SMG6: variants seen among roughly 807,000 people sequenced by gnomAD.
The protein encoded by SMG6 is telomerase-binding protein EST1A.
In SMG6, 66 loss-of-function variants were observed where a neutral mutation model predicts 142.2. The ratio of observed to expected loss-of-function variants is 0.46; its 90% confidence interval spans 0.38 to 0.57. The LOEUF is 0.57. Among genes scored for constraint, SMG6 ranks in the 20% least tolerant of loss-of-function variants. SMG6 has a pLI of 0.00. For synonymous variants in SMG6, 779 were observed against 702.4 expected (o/e 1.11, Z -1.72); for missense variants, 1,793 against 1,832.0 (o/e 0.98, Z 0.39).
intron 13 of SMG6, among the ~76,000 whole-genome samples, chr17:2,140,796 A>G (rs1191289425): frequency 1.3e-5 from 2 of 152,158 alleles, no homozygotes; most frequent in African/African-American, 2.4e-5. Flanking sequence ...TTTAGGTGAA[A>G]TCCATGCATG....
intron 8 of SMG6, among the ~76,000 whole-genome samples, chr17:2,269,976 C>A (rs1316428213): frequency 5.3e-5 from 8 of 152,118 alleles, no homozygotes. Flanking sequence ...CTGCAGTGAG[C>A]TATGATGGCG....
Position 2,121,585 on chromosome 17 carries a change from GTC to G in SMG6, c.3358-35686_3358-35685del, listed in dbSNP as rs1456740266. Among the ~76,000 whole-genome samples the G allele has an allele frequency of 5.1e-4, 19 of 37,562 alleles. 1 individual carries two copies. The highest frequency in any genetic ancestry group is 1.4e-3 in the African/African-American group (9 of 6,288). 24.6% of individuals were successfully genotyped at this position (37,562 alleles called of 152,430 possible). ...CATATATGTATATATGTACATGTCT[GTC>G]TGTGTGTGTGTGTGTGTGTGTGTGT... On this transcript the variant is annotated intron_variant, in intron 13 of 18. Coordinates refer to ENST00000263073, the MANE Select transcript of SMG6 (RefSeq NM_017575.5).
chr17:2,069,376 C>A (rs529733688), intron 15 of SMG6, among the ~76,000 whole-genome samples: 2 of 146,636 alleles, frequency 1.4e-5, no homozygotes, highest in South Asian at 2.2e-4. Flanking sequence ...GTAGCTAAAA[C>A]AAAACAAAAC....
At chr17:2,066,968 A>G (rs943371611) in intron 16 of SMG6, among the ~76,000 whole-genome samples, 1 of 152,206 alleles carries the variant, frequency 6.6e-6, no homozygotes, top group Non-Finnish European at 1.5e-5. Flanking sequence ...AAGAAGGGAA[A>G]GCTGGCGGCT....
chr17:2,293,124 A>G (rs1252897324), intron 4 of SMG6, 147 bp from the exon 5 acceptor site: 1 of 614,246 alleles, frequency 1.6e-6, no homozygotes, highest in Non-Finnish European at 2.9e-6. Context: ...CCTAAACCTG[A>G]CTACCAAAAA....
At position 2,081,966 on chromosome 17, in the gene SMG6, G is replaced by T. The variant is rs1438098361; in HGVS notation, c.3535-10C>A. 6.2e-7 allele frequency: 1 copy of T among 1,614,008 alleles called. No individual in the cohort carries two copies. The highest frequency in any genetic ancestry group is 2.2e-5 in the East Asian group (1 of 44,882). ...TCACCACATCCTCCTCCTTTGGGTG[G>T]TGGAGCCGACCAGGACAAAGAGGAG... On this transcript the variant is annotated splice_polypyrimidine_tract_variant and intron_variant, in intron 14 of 18. Coordinates refer to ENST00000263073, the MANE Select transcript of SMG6 (RefSeq NM_017575.5).
intron 6 of SMG6, among the ~76,000 whole-genome samples, chr17:2,288,862 G>A (rs904111060): frequency 2.6e-5 from 4 of 151,784 alleles, no homozygotes; most frequent in Non-Finnish European, 4.4e-5. Context: ...GGCGGATCAC[G>A]AGGTCAGGAG....
chr17:2,133,974 G>A (rs2070207409), intron 13 of SMG6, among the ~76,000 whole-genome samples: 1 of 152,138 alleles, frequency 6.6e-6, no homozygotes, highest in Non-Finnish European at 1.5e-5. Flanking sequence ...GAAGCCAAGT[G>A]GTAGAGCCCG....
chr17:2,077,034 G>A (rs1052568376), intron 15 of SMG6, among the ~76,000 whole-genome samples: 1 of 152,182 alleles, frequency 6.6e-6, no homozygotes, highest in African/African-American at 2.4e-5. Flanking sequence ...CTCCAGAAGC[G>A]GATGGATCCT....
At chr17:2,127,634 T>G in intron 13 of SMG6, 1 of 573,358 alleles carries the variant, frequency 1.7e-6, no homozygotes, top group South Asian at 1.4e-5. Context: ...AGCAGCTTCC[T>G]TTCATTCAAC....
At chr17:2,206,179 A>G (rs554052186) in intron 10 of SMG6, among the ~76,000 whole-genome samples, 177 of 152,314 alleles carry the variant, frequency 1.2e-3, no homozygotes, top group African/African-American at 4.0e-3. Context: ...ATAGTATCCT[A>G]AAGTTATCTA....
At chr17:2,269,008 T>C (rs1334197739) in intron 8 of SMG6, among the ~76,000 whole-genome samples, 1 of 151,096 alleles carries the variant, frequency 6.6e-6, no homozygotes, top group Non-Finnish European at 1.5e-5. Context: ...ATCGAGACCA[T>C]CCTGGCTAAC....
chr17:2,210,692 C>G (rs2072823999), intron 10 of SMG6, among the ~76,000 whole-genome samples: 1 of 145,906 alleles, frequency 6.9e-6, no homozygotes, highest in Non-Finnish European at 1.5e-5. Context: ...AGAGGATGAG[C>G]AAACCGAGAG....
intron 10 of SMG6, among the ~76,000 whole-genome samples, chr17:2,194,699 A>C (rs2072266148): frequency 8.0e-6 from 1 of 125,458 alleles, no homozygotes; most frequent in Non-Finnish European, 1.7e-5. Context: ...AAAGAAAAGA[A>C]AACAAAACAA....
intron 14 of SMG6, among the ~76,000 whole-genome samples, chr17:2,083,686 C>T (rs1021518713): frequency 2.6e-5 from 4 of 152,220 alleles, no homozygotes; most frequent in South Asian, 2.1e-4. Flanking sequence ...CTGCAGTGAG[C>T]GGGACAGAAT....
At chr17:2,301,756 A>G (rs1365996683) in intron 1 of SMG6, among the ~76,000 whole-genome samples, 2 of 152,128 alleles carry the variant, frequency 1.3e-5, no homozygotes, top group South Asian at 2.1e-4. Context: ...GCAGGAGAAT[A>G]GCGTGAACCC....
At chr17:2,099,534 T>G (rs1388671751) in intron 13 of SMG6, among the ~76,000 whole-genome samples, 2 of 152,024 alleles carry the variant, frequency 1.3e-5, no homozygotes, top group Non-Finnish European at 2.9e-5. Context: ...CACAGCATAT[T>G]AAAAAATGTA....
At chr17:2,201,424 T>C (rs1201246265) in intron 10 of SMG6, among the ~76,000 whole-genome samples, 1 of 152,170 alleles carries the variant, frequency 6.6e-6, no homozygotes, top group East Asian at 1.9e-4. Context: ...CGGGGCACAG[T>C]GACTCACACC....
At chr17:2,205,918 C>T (rs894397936) in intron 10 of SMG6, among the ~76,000 whole-genome samples, 8 of 152,178 alleles carry the variant, frequency 5.3e-5, no homozygotes, top group African/African-American at 1.4e-4. Context: ...AAGCAATTCC[C>T]GTGCCTCAGC....
Sources: allele counts gnomAD v4.1 joint callset (sites outside exome capture counted in the v4.1 genomes callset), GRCh38; gene constraint gnomAD v4.1.1; transcripts MANE v1.5; gene names NCBI Gene and HGNC (gene_info 2026-07-23, HGNC 2026-07-21).